USP14: variants seen among roughly 807,000 people sequenced by gnomAD.
USP14 encodes the protein ubiquitin specific peptidase 14.
A neutral mutation model predicts 76.5 loss-of-function variants in USP14; 38 were observed. That is an observed-to-expected ratio of 0.50 (90% CI 0.38 to 0.65). The LOEUF (loss-of-function observed/expected upper bound fraction) is 0.65, where lower values mean the gene tolerates loss of function less well. Among genes scored for constraint, USP14 ranks in the 30% least tolerant of loss-of-function variants. USP14 has a pLI of 0.00. For synonymous variants in USP14, 192 were observed against 191.7 expected (o/e 1.00, Z -0.01); for missense variants, 467 against 586.5 (o/e 0.80, Z 2.10).
In USP14 at chr18:213,420, A is replaced by AAAT. The variant is rs1187559733; in HGVS notation, c.*2137_*2139dup. On this transcript the variant is annotated 3_prime_UTR_variant, in exon 16 of 16. Transcript: ENST00000261601. The stretch of plus-strand genomic sequence containing the variant: ...TATTCCAAAGAATTTTTTCAAGTAG[A>AAAT]AATGGGAGTTAGTTATACCAGTGTT... 6.6e-6 allele frequency: 1 copy of AAAT among 152,258 alleles called. No individual in the cohort carries two copies. Among genetic ancestry groups the AAAT allele is most frequent in the African/African-American group, 2.4e-5 (1 of 41,374 alleles). The allele number at this position is 152,258 out of a possible 1,614,324, so 9.4% of individuals were successfully genotyped here.
rs751291820 is a variant in USP14, at chr18:192,910, C to CT, written c.463+11dup. 5 of 1,608,260 alleles carry CT rather than the reference C, an allele frequency of 3.1e-6. No individual in the cohort carries two copies. The highest frequency in any genetic ancestry group is 4.2e-6 in the Non-Finnish European group (5 of 1,176,870). ...CAGTATATTACTGCAGGTTTGTATA[C>CT]TAAATATACTACTTTTTGATAGGAG... is the stretch of plus-strand genomic sequence containing the variant. On this transcript the variant is annotated intron_variant, in intron 6 of 15. Coordinates refer to ENST00000261601, the MANE Select transcript of USP14 (RefSeq NM_005151.4).
At chr18:194,005 C>T (rs1598275348) in intron 6 of USP14, among the ~76,000 whole-genome samples, 1 of 152,082 alleles carries the variant, frequency 6.6e-6, no homozygotes, top group African/African-American at 2.4e-5. Context: ...TGAGGAACTG[C>T]CAGAATTTTC....
chr18:186,850 A>G (rs886189249), intron 5 of USP14, among the ~76,000 whole-genome samples: 1 of 152,188 alleles, frequency 6.6e-6, no homozygotes, highest in African/African-American at 2.4e-5. Context: ...ACCAATTCAA[A>G]CAGTCTTAAA....
At position 211,427 on chromosome 18, in the gene USP14, T is replaced by C; in HGVS notation, c.*143T>C. 1.3e-6 allele frequency: 1 copy of C among 787,364 alleles called. No individual in the cohort carries two copies. The highest frequency in any genetic ancestry group is 1.9e-6 in the Non-Finnish European group (1 of 527,478). The allele number at this position is 787,364 out of a possible 1,614,324, so 48.8% of individuals were successfully genotyped here. A position where few individuals can be genotyped will look rare whatever the true frequency, so the allele number is the denominator to read the frequency against. ...ACAAAAGAGGACAGAAGCAGACCAC[T>C]CTGTGCACCAACCTAAAAAATTACA... On this transcript the variant is annotated 3_prime_UTR_variant, in exon 16 of 16. Coordinates refer to ENST00000261601, the MANE Select transcript of USP14 (RefSeq NM_005151.4).
intron 5 of USP14, among the ~76,000 whole-genome samples, chr18:185,830 A>G (rs1413323095): frequency 2.7e-5 from 4 of 148,444 alleles, no homozygotes; most frequent in African/African-American, 9.9e-5. Flanking sequence ...AGCAGCTGGG[A>G]CCTCAGGCAT....
chr18:169,720 G>C (rs939306907), intron 3 of USP14, among the ~76,000 whole-genome samples: 2 of 152,128 alleles, frequency 1.3e-5, no homozygotes, highest in African/African-American at 4.8e-5. Context: ...CATCGAGCAA[G>C]TTTATAGGCA....
chr18:196,529 A>C (rs979700980), intron 6 of USP14, 108 bp from the exon 7 acceptor site: 3 of 1,363,402 alleles, frequency 2.2e-6, no homozygotes, highest in Non-Finnish European at 2.9e-6. Context: ...ATCTCAAAAA[A>C]AAAAAAAATT....
rs530934293 is a variant in USP14, at chr18:196,455, C to T, written c.464-182C>T. 4.5e-4 allele frequency: 203 copies of T among 448,564 alleles called. 1 individual carries two copies. The highest frequency in any genetic ancestry group is 3.8e-3 in the African/African-American group (183 of 48,406). The allele number at this position is 448,564 out of a possible 1,614,324, so 27.8% of individuals were successfully genotyped here. On this transcript the variant is annotated intron_variant, in intron 6 of 15. Coordinates refer to ENST00000261601, the MANE Select transcript of USP14 (RefSeq NM_005151.4). ...AGGAGAATTGCTTGAACCCAGAAGGCGGAGGTTGCGGTGAGCCGAGATCGC... is the reference window on the plus strand; with the variant it reads ...AGGAGAATTGCTTGAACCCAGAAGGTGGAGGTTGCGGTGAGCCGAGATCGC...
In USP14 at chr18:214,489, G is replaced by A. The variant is rs949431524; in HGVS notation, c.*3205G>A. The A allele has an allele frequency of 6.9e-6, 5 of 726,932 alleles. No individual in the cohort carries two copies. The highest frequency in any genetic ancestry group is 1.1e-5 in the Non-Finnish European group (5 of 454,318). The allele number at this position is 726,932 out of a possible 1,614,324, so 45.0% of individuals were successfully genotyped here. A position where few individuals can be genotyped will look rare whatever the true frequency, so the allele number is the denominator to read the frequency against. On this transcript the variant is annotated 3_prime_UTR_variant, in exon 16 of 16. Coordinates refer to ENST00000261601, the MANE Select transcript of USP14 (RefSeq NM_005151.4). Reference sequence around the variant, plus strand: ...GGTTTGAGCCAATATGTGTTCTATTGTTCTCAGAGCACCAGCCGACTGTAC... The same window carrying A: ...GGTTTGAGCCAATATGTGTTCTATTATTCTCAGAGCACCAGCCGACTGTAC...
chr18:183,639 G>A (rs1331066391), intron 5 of USP14, among the ~76,000 whole-genome samples: 1 of 151,674 alleles, frequency 6.6e-6, no homozygotes, highest in African/African-American at 2.4e-5. Context: ...TTGTTTCACT[G>A]CTTACTTATC....
chr18:164,729 C>T (rs1213285351), intron 2 of USP14, among the ~76,000 whole-genome samples: 1 of 152,110 alleles, frequency 6.6e-6, no homozygotes, highest in Non-Finnish European at 1.5e-5. Flanking sequence ...GCTGGGATTA[C>T]AGGCGTGAGC....
intron 7 of USP14, among the ~76,000 whole-genome samples, chr18:197,328 T>C (rs947002776): frequency 1.3e-5 from 2 of 152,196 alleles, no homozygotes; most frequent in African/African-American, 4.8e-5. Flanking sequence ...TCCATCCTGC[T>C]TTTTTTCGCT....
intron 9 of USP14, among the ~76,000 whole-genome samples, 166 bp downstream of exon 9, chr18:198,298 T>G (rs1257206519): frequency 6.6e-6 from 1 of 152,158 alleles, no homozygotes; most frequent in African/African-American, 2.4e-5. Context: ...ATTGCAATGG[T>G]GTGATCTTGA....
At chr18:203,317 T>C (rs1910433279) in intron 12 of USP14, 127 bp downstream of exon 12, 1 of 824,338 alleles carries the variant, frequency 1.2e-6, no homozygotes, top group Admixed American at 2.9e-5. Flanking sequence ...GGAGCTAATA[T>C]TAGACAAGTG....
rs946019459 is a variant in USP14 at position 197,714 on chromosome 18, G to A, written c.675+18G>A. The A allele has an allele frequency of 6.3e-7, 1 of 1,586,046 alleles. No homozygotes were observed. Among genetic ancestry groups the A allele is most frequent in the South Asian group, 1.1e-5 (1 of 88,612 alleles). ...TTAAAGAGGTAATTGAAATATATTT[G>A]TGATTATAGACTTTCGTTATACCTT... is the stretch of plus-strand genomic sequence containing the variant. On this transcript the variant is annotated intron_variant, in intron 8 of 15. Coordinates refer to ENST00000261601, the MANE Select transcript of USP14 (RefSeq NM_005151.4).
chr18:211,084 A>T, intron 15 of USP14, 49 bp from the exon 16 acceptor site: 1 of 1,576,312 alleles, frequency 6.3e-7, no homozygotes, highest in Non-Finnish European at 8.7e-7. Flanking sequence ...TGGAACTCTG[A>T]GACGAATCCT....
chr18:162,637 A>C (rs1909153618), intron 1 of USP14, among the ~76,000 whole-genome samples: 1 of 152,002 alleles, frequency 6.6e-6, no homozygotes, highest in South Asian at 2.1e-4. Context: ...CTGTGTGCTG[A>C]TGTGAATGAT....
chr18:185,770 C>T (rs774389840), intron 5 of USP14, among the ~76,000 whole-genome samples: 2 of 151,956 alleles, frequency 1.3e-5, no homozygotes, highest in Non-Finnish European at 2.9e-5. Flanking sequence ...TCACAGATCA[C>T]TGCAGCCTTG....
At chr18:166,883 T>C in intron 3 of USP14, 64 bp downstream of exon 3, 1 of 1,473,848 alleles carries the variant, frequency 6.8e-7, no homozygotes, top group South Asian at 1.2e-5. Flanking sequence ...CAAAATACAT[T>C]CCAGATGACT....
Sources: allele counts gnomAD v4.1 joint callset (sites outside exome capture counted in the v4.1 genomes callset), GRCh38; gene constraint gnomAD v4.1.1; transcripts MANE v1.5; gene names NCBI Gene and HGNC (gene_info 2026-07-23, HGNC 2026-07-21).